The following SLC22A5 variants were observed in gnomAD, a reference collection of about 807,000 sequenced individuals.
SLC22A5 encodes organic cation/carnitine transporter 2.
SLC22A5 carries 44 observed loss-of-function variants against 56.7 expected under a neutral mutation model. The ratio of observed to expected loss-of-function variants is 0.78; its 90% confidence interval spans 0.61 to 1.00. SLC22A5 has a LOEUF of 1.00. Among genes scored for constraint, SLC22A5 ranks in the 50% least tolerant of loss-of-function variants. The pLI, the probability that SLC22A5 is intolerant of heterozygous loss-of-function variation, is 0.00. For missense variants in SLC22A5, 675 were observed against 723.0 expected (o/e 0.93, Z 0.76); for synonymous variants, 278 against 292.1 (o/e 0.95, Z 0.49).
At position 132,369,718 on chromosome 5, in the gene SLC22A5, C is replaced by G. The variant is rs140331558; in HGVS notation, c.-255C>G. ...CGTCCCGCCCCAGCTCCGCCTTCGC[C>G]GGCGCCGCTCTGCCTGCCAGCGGGG... is the stretch of plus-strand genomic sequence containing the variant. On this transcript the variant is annotated 5_prime_UTR_variant, in exon 1 of 10. Transcript: ENST00000245407. The G allele has an allele frequency of 2.3e-6, 1 of 440,128 alleles. No individual in the cohort carries two copies. Among genetic ancestry groups the G allele is most frequent in the African/African-American group, 2.1e-5 (1 of 48,128 alleles). 27.3% of individuals were successfully genotyped at this position (440,128 alleles called of 1,614,324 possible).
chr5:132,376,591 C>T (rs918490963), intron 1 of SLC22A5: 3 of 152,244 alleles, frequency 2.0e-5, no homozygotes, highest in Admixed American at 1.3e-4. Context: ...CAGAAGCCCA[C>T]GTGGATTGCT....
intron 2 of SLC22A5, chr5:132,383,245 A>G (rs1752407560): frequency 6.6e-6 from 1 of 152,216 alleles, no homozygotes; most frequent in Non-Finnish European, 1.5e-5. Flanking sequence ...TTTTAGTTTT[A>G]TTATCGAAAT....
At chr5:132,371,641 G>A (rs1251987757) in intron 1 of SLC22A5, among the ~76,000 whole-genome samples, 5 of 152,152 alleles carry the variant, frequency 3.3e-5, no homozygotes, top group Non-Finnish European at 7.4e-5. Context: ...ATGTGCAGAT[G>A]ACCAATTCGC....
intron 1 of SLC22A5, among the ~76,000 whole-genome samples, chr5:132,374,112 A>C (rs1301654518): frequency 6.6e-6 from 1 of 151,636 alleles, no homozygotes; most frequent in Non-Finnish European, 1.5e-5. Flanking sequence ...GCTACTCGGG[A>C]GGGAGGCTGA....
chr5:132,371,669 C>A (rs1208287826), intron 1 of SLC22A5, among the ~76,000 whole-genome samples: 2 of 152,084 alleles, frequency 1.3e-5, no homozygotes, highest in Non-Finnish European at 2.9e-5. Flanking sequence ...AGAAGGCTTC[C>A]CAGAAGAGGA....
intron 5 of SLC22A5, among the ~76,000 whole-genome samples, chr5:132,388,196 C>G (rs544590671): frequency 6.6e-6 from 1 of 152,164 alleles, no homozygotes; most frequent in African/African-American, 2.4e-5. Context: ...AGGGGTCAAT[C>G]TGGGTGAATG....
chr5:132,379,160 A>G (rs73787198), intron 2 of SLC22A5: 88 of 156,536 alleles, frequency 5.6e-4, no homozygotes, highest in Middle Eastern at 3.4e-3. Context: ...GCACAATGTT[A>G]GAGACTACAT....
chr5:132,382,483 A>G (rs1174550095), intron 2 of SLC22A5: 1 of 151,998 alleles, frequency 6.6e-6, no homozygotes, highest in East Asian at 1.9e-4. Context: ...GGGGAAAAAA[A>G]GTGTTATTAT....
At chr5:132,388,788 G>A in intron 5 of SLC22A5, 133 bp from the exon 6 acceptor site, 1 of 718,586 alleles carries the variant, frequency 1.4e-6, no homozygotes, top group Non-Finnish European at 2.5e-6. Context: ...TATACTTACT[G>A]TTCTTAGAAA....
intron 1 of SLC22A5, among the ~76,000 whole-genome samples, chr5:132,373,945 G>A (rs1752039249): frequency 6.6e-6 from 1 of 152,172 alleles, no homozygotes; most frequent in Non-Finnish European, 1.5e-5. Context: ...CCGGCTGGGT[G>A]TGGTGGCTCA....
At chr5:132,392,119 G>A (rs1481579679) in intron 7 of SLC22A5, among the ~76,000 whole-genome samples, 5 of 152,150 alleles carry the variant, frequency 3.3e-5, no homozygotes, top group Non-Finnish European at 7.3e-5. Context: ...GAGGTTCTGG[G>A]GTGACAGTTA....
At chr5:132,385,204 C>T in intron 3 of SLC22A5, 124 bp from the exon 4 acceptor site, 4 of 902,034 alleles carry the variant, frequency 4.4e-6, no homozygotes, top group East Asian at 2.5e-5. Context: ...CGCTCCCTAG[C>T]GCCATGAACT....
chr5:132,390,631 T>C (rs1752663294), intron 6 of SLC22A5, 59 bp from the exon 7 acceptor site: 1 of 1,192,664 alleles, frequency 8.4e-7, no homozygotes, highest in Non-Finnish European at 1.3e-6. Flanking sequence ...GTAAAAGTTG[T>C]ACAGGTTGGG....
chr5:132,385,223 G>A, intron 3 of SLC22A5, 105 bp from the exon 4 acceptor site: 1 of 1,043,236 alleles, frequency 9.6e-7, no homozygotes, highest in Non-Finnish European at 1.5e-6. Context: ...CTTAGAGAGA[G>A]TTCTCGCTGT....
intron 1 of SLC22A5, among the ~76,000 whole-genome samples, chr5:132,371,934 C>A (rs1256332554): frequency 1.3e-5 from 2 of 152,102 alleles, no homozygotes; most frequent in Admixed American, 1.3e-4. Flanking sequence ...GGCGTCATCA[C>A]CCTTCAATGG....
chr5:132,392,653 G>A, intron 8 of SLC22A5, 38 bp downstream of exon 8: 1 of 1,574,144 alleles, frequency 6.4e-7, no homozygotes, highest in Middle Eastern at 2.0e-4. Context: ...AGAGCAACGG[G>A]ATGGAAGTAC....
chr5:132,369,847 C>G lies in SLC22A5; in HGVS notation c.-126C>G. ...CGGTGTCAGCTCGCGAGCCTACCCT[C>G]CGCGGACGGTCTTGGGTCGCCTGCT... On this transcript the variant is annotated 5_prime_UTR_variant, in exon 1 of 10. Transcript: ENST00000245407. The G allele has an allele frequency of 1.6e-6, 2 of 1,273,264 alleles. No individual in the cohort carries two copies. The highest frequency in any genetic ancestry group is 1.5e-5 in the African/African-American group (1 of 64,890). 78.9% of individuals were successfully genotyped at this position (1,273,264 alleles called of 1,614,324 possible). A position where few individuals can be genotyped will look rare whatever the true frequency, so the allele number is the denominator to read the frequency against.
rs562878896 is a variant in SLC22A5, at chr5:132,392,297, C to A, written c.1268-136C>A. On this transcript the variant is annotated intron_variant, in intron 7 of 9. Coordinates refer to ENST00000245407, the MANE Select transcript of SLC22A5 (RefSeq NM_003060.4). The stretch of plus-strand genomic sequence containing the variant: ...ATTTGGAGGGAAATCTTGGCTATAG[C>A]CCCTTCCCCCACAATAGGAAGTGAT... The A allele has an allele frequency of 6.1e-3, 4,805 of 788,824 alleles. 27 individuals carry two copies. Among genetic ancestry groups the A allele is most frequent in the Non-Finnish European group, 8.4e-3 (3,807 of 450,556 alleles). The allele number at this position is 788,824 out of a possible 1,614,324, so 48.9% of individuals were successfully genotyped here.
At chr5:132,372,411 T>A (rs955654684) in intron 1 of SLC22A5, among the ~76,000 whole-genome samples, 4 of 152,150 alleles carry the variant, frequency 2.6e-5, no homozygotes, top group African/African-American at 9.7e-5. Context: ...TGGCATCTCT[T>A]GGAGTTTTAC....
Sources: allele counts gnomAD v4.1 joint callset (sites outside exome capture counted in the v4.1 genomes callset), GRCh38; gene constraint gnomAD v4.1.1; transcripts MANE v1.5; gene names NCBI Gene and HGNC (gene_info 2026-07-23, HGNC 2026-07-21).